KCNH1: variants seen among roughly 807,000 people sequenced by gnomAD.
KCNH1 encodes the protein potassium voltage-gated channel subfamily H member 1, also known as voltage-gated delayed rectifier potassium channel KCNH1.
Under a neutral mutation model 69.2 loss-of-function variants are expected in KCNH1, and 27 were observed. That is an observed-to-expected ratio of 0.39 (90% confidence interval 0.29 to 0.54). KCNH1 has a LOEUF of 0.54. Ranked by LOEUF, KCNH1 falls within the 20% of genes least tolerant of loss-of-function variation. The probability of loss-of-function intolerance (pLI) is 0.68; values close to 1 mark genes in which losing one functional copy is unlikely to be tolerated. For missense variants in KCNH1, 798 were observed against 1,261.6 expected (o/e 0.63, Z 5.57); for synonymous variants, 456 against 487.7 (o/e 0.93, Z 0.86).
intron 10 of KCNH1, among the ~76,000 whole-genome samples, chr1:210,704,737 C>A (rs1681865935): frequency 6.6e-6 from 1 of 152,180 alleles, no homozygotes; most frequent in Admixed American, 6.5e-5. Context: ...CCTCAGTAGC[C>A]AAACCTGTAT....
chr1:210,798,119 A>C (rs996186920), intron 8 of KCNH1, among the ~76,000 whole-genome samples: 2 of 140,726 alleles, frequency 1.4e-5, no homozygotes, highest in Non-Finnish European at 3.1e-5. Flanking sequence ...GGCTCACTGC[A>C]AGCTCCGCCT....
Position 211,058,953 on chromosome 1 carries a change from G to A in KCNH1, c.558+23827C>T, listed in dbSNP as rs147746595. Among the ~76,000 whole-genome samples, 490 of 152,184 alleles carry A rather than the reference G, an allele frequency of 3.2e-3. 5 individuals are homozygous for A. The highest frequency in any genetic ancestry group is 6.8e-3 in the Middle Eastern group (2 of 294). On this transcript the variant is annotated intron_variant, in intron 5 of 10. Coordinates refer to ENST00000271751, the MANE Select transcript of KCNH1 (RefSeq NM_172362.3). ...CAGGAATAGCAGCTATACTTATATC[G>A]GACTAAATAGATTTCAAGACAAAAA...
At chr1:211,114,329 C>T (rs2102492224) in intron 1 of KCNH1, among the ~76,000 whole-genome samples, 1 of 152,150 alleles carries the variant, frequency 6.6e-6, no homozygotes, top group Admixed American at 6.5e-5. Flanking sequence ...ACTGAGTTAC[C>T]CAAAAGACTA....
chr1:210,871,745 C>T (rs1223259591), intron 7 of KCNH1, among the ~76,000 whole-genome samples: 4 of 151,582 alleles, frequency 2.6e-5, no homozygotes, highest in African/African-American at 7.3e-5. Flanking sequence ...AGTTCATGTC[C>T]TTTGTAGGGA....
At chr1:211,077,355 T>C (rs763637549) in intron 5 of KCNH1, among the ~76,000 whole-genome samples, 10 of 151,814 alleles carry the variant, frequency 6.6e-5, no homozygotes, top group Non-Finnish European at 1.3e-4. Context: ...GGCAGCCAGG[T>C]AGAAAGGTCG....
At position 211,041,025 on chromosome 1, in the gene KCNH1, T is replaced by A. The variant is rs187837401; in HGVS notation, c.559-21769A>T. ...CATCAACCTCTCTTTGAATACAAAA[T>A]CAATTCATCAACATCTTTAGACATA... On this transcript the variant is annotated intron_variant, in intron 5 of 10. Coordinates refer to ENST00000271751, the MANE Select transcript of KCNH1 (RefSeq NM_172362.3). 1.2e-3 allele frequency among the ~76,000 whole-genome samples: 187 copies of A among 152,312 alleles called. 2 individuals are homozygous for A. The highest frequency in any genetic ancestry group is 1.9e-3 in the Non-Finnish European group (127 of 68,020).
chr1:211,108,183 A>G (rs375404458), intron 1 of KCNH1, among the ~76,000 whole-genome samples: 3 of 152,320 alleles, frequency 2.0e-5, no homozygotes, highest in South Asian at 4.1e-4. Context: ...TCAGTCGTCA[A>G]TACTTTTTAT....
intron 3 of KCNH1, among the ~76,000 whole-genome samples, chr1:211,096,172 T>C (rs901960647): frequency 1.3e-5 from 2 of 152,134 alleles, no homozygotes; most frequent in African/African-American, 4.8e-5. Context: ...CAAGCGATTC[T>C]CCTGCCTCAG....
intron 7 of KCNH1, among the ~76,000 whole-genome samples, chr1:210,845,538 C>T (rs1410833842): frequency 3.3e-5 from 5 of 152,008 alleles, no homozygotes; most frequent in African/African-American, 9.7e-5. Context: ...ACGCTTCATG[C>T]TAAACACTCT....
chr1:210,836,733 C>T (rs1325149661), intron 7 of KCNH1, among the ~76,000 whole-genome samples: 1 of 152,074 alleles, frequency 6.6e-6, no homozygotes, highest in East Asian at 1.9e-4. Context: ...TATAGAAAGA[C>T]AAAGAAAAGC....
intron 10 of KCNH1, among the ~76,000 whole-genome samples, chr1:210,753,620 T>A (rs116503291): frequency 6.2e-4 from 95 of 152,266 alleles, no homozygotes; most frequent in African/African-American, 2.2e-3. Flanking sequence ...CATGAATAAC[T>A]CATAGTAAAC....
At chr1:211,034,164 G>A (rs1331861755) in intron 5 of KCNH1, among the ~76,000 whole-genome samples, 2 of 152,034 alleles carry the variant, frequency 1.3e-5, no homozygotes, top group African/African-American at 4.8e-5. Context: ...CTCATAATTG[G>A]CCAAAACCGG....
At chr1:211,068,730 C>T (rs1370501751) in intron 5 of KCNH1, among the ~76,000 whole-genome samples, 2 of 152,146 alleles carry the variant, frequency 1.3e-5, no homozygotes, top group Non-Finnish European at 2.9e-5. Context: ...AGTGAGTGCA[C>T]AGGGCAAAAT....
intron 10 of KCNH1, among the ~76,000 whole-genome samples, chr1:210,712,252 C>T (rs1359320500): frequency 6.6e-6 from 1 of 152,198 alleles, no homozygotes; most frequent in Non-Finnish European, 1.5e-5. Flanking sequence ...CTTAAAACAA[C>T]TCAAATAAAA....
At chr1:210,994,682 G>A (rs995454839) in intron 6 of KCNH1, among the ~76,000 whole-genome samples, 1 of 152,134 alleles carries the variant, frequency 6.6e-6, no homozygotes, top group African/African-American at 2.4e-5. Flanking sequence ...ATGTAGGCCA[G>A]GGGTCAGTCT....
chr1:210,716,751 C>G (rs1001205184), intron 10 of KCNH1, among the ~76,000 whole-genome samples: 1 of 152,174 alleles, frequency 6.6e-6, no homozygotes, highest in Non-Finnish European at 1.5e-5. Context: ...CCAGGCTTCT[C>G]GAGGAGGCTT....
chr1:210,886,347 CA>C (rs1444227364), intron 7 of KCNH1, among the ~76,000 whole-genome samples: 1 of 152,086 alleles, frequency 6.6e-6, no homozygotes, highest in Non-Finnish European at 1.5e-5. Flanking sequence ...GGAATGGCAA[CA>C]ACACCAACAA....
At chr1:210,773,168 C>T (rs1190590111) in intron 10 of KCNH1, among the ~76,000 whole-genome samples, 1 of 152,174 alleles carries the variant, frequency 6.6e-6, no homozygotes, top group Non-Finnish European at 1.5e-5. Flanking sequence ...CTAAATGTAT[C>T]ACCAGCAAGC....
chr1:210,736,511 C>T (rs1354970363), intron 10 of KCNH1, among the ~76,000 whole-genome samples: 1 of 151,964 alleles, frequency 6.6e-6, no homozygotes, highest in Non-Finnish European at 1.5e-5. Flanking sequence ...CGCGCCATTG[C>T]ACTCCTGGGC....
Sources: allele counts gnomAD v4.1 joint callset (sites outside exome capture counted in the v4.1 genomes callset), GRCh38; gene constraint gnomAD v4.1.1; transcripts MANE v1.5; gene names NCBI Gene and HGNC (gene_info 2026-07-23, HGNC 2026-07-21).